DACH1: variants seen among roughly 807,000 people sequenced by gnomAD.
DACH1 encodes the protein dachshund family transcription factor 1.
DACH1 carries 12 observed loss-of-function variants against 54.2 expected under a neutral mutation model. The observed-to-expected ratio is 0.22, with a 90% CI of 0.14 to 0.36. DACH1 has a LOEUF of 0.36. DACH1 is among the 10% of genes least tolerant of loss of function. The pLI, the probability that DACH1 is intolerant of heterozygous loss-of-function variation, is 1.00. For synonymous variants in DACH1, 386 were observed against 366.2 expected (o/e 1.05, Z -0.62); for missense variants, 805 against 929.8 (o/e 0.87, Z 1.75).
chr13:71,780,578 G>A (rs183417115), intron 1 of DACH1, among the ~76,000 whole-genome samples: 141 of 151,754 alleles, frequency 9.3e-4, no homozygotes, highest in Non-Finnish European at 1.5e-3. Flanking sequence ...CCTGGGAGAC[G>A]GAGGTTGCAG....
chr13:71,461,476 A>G (rs1876069882), intron 10 of DACH1, among the ~76,000 whole-genome samples: 2 of 151,976 alleles, frequency 1.3e-5, no homozygotes, highest in Non-Finnish European at 2.9e-5. Flanking sequence ...ATAAGCCCGC[A>G]TCATACTCAG....
chr13:71,564,648 G>C lies in DACH1; in HGVS notation c.1300-4693C>G, dbSNP rs951926376. On this transcript the variant is annotated intron_variant, in intron 4 of 10. Coordinates refer to ENST00000613252, the MANE Select transcript of DACH1 (RefSeq NM_080759.6). ...AATTCTAAAATAAACAGTGTAAAAT[G>C]TTCAGTACTACACACATGTGATTAA... Among the ~76,000 whole-genome samples the C allele has an allele frequency of 2.0e-5, 3 of 152,060 alleles. No individual in the cohort carries two copies. In the East Asian group the frequency reaches 5.8e-4, roughly 29 times the overall value.
chr13:71,543,337 A>G (rs1398521859), intron 6 of DACH1, among the ~76,000 whole-genome samples: 1 of 152,140 alleles, frequency 6.6e-6, no homozygotes, highest in Non-Finnish European at 1.5e-5. Flanking sequence ...TGTTTTTCGT[A>G]AAATCAAGTT....
chr13:71,523,415 A>G (rs1229478836), intron 6 of DACH1, among the ~76,000 whole-genome samples: 2 of 152,174 alleles, frequency 1.3e-5, no homozygotes, highest in Non-Finnish European at 2.9e-5. Context: ...AAAATGACTT[A>G]AAGGACAAAT....
intron 6 of DACH1, among the ~76,000 whole-genome samples, chr13:71,542,430 G>A (rs959675692): frequency 3.3e-5 from 5 of 151,988 alleles, no homozygotes; most frequent in African/African-American, 7.2e-5. Context: ...CATACAGGCT[G>A]TTTCTTCATT....
Position 71,866,273 on chromosome 13 carries a change from G to T in DACH1, c.497C>A (p.Pro166His). 6.3e-7 allele frequency: 1 copy of T among 1,592,674 alleles called. No individual in the cohort carries two copies. The highest frequency in any genetic ancestry group is 8.6e-7 in the Non-Finnish European group (1 of 1,169,072). ...SSSSSSSSCG[P>H]LPGKPVYSTP... Reference sequence around the variant, plus strand: ...TGAGTACACGGGTTTCCCGGGGAGGGGGCCGCAGCTGCTGCTGCTACTGCT... The same window carrying T: ...TGAGTACACGGGTTTCCCGGGGAGGTGGCCGCAGCTGCTGCTGCTACTGCT... The change falls in exon 1 of 11, where the codon CCC (proline) becomes CAC (histidine). Residue 166 changes from proline (P) to histidine (H), a missense_variant. By Grantham distance (77) the Pro-to-His change is moderately conservative (BLOSUM62 -2). Coordinates refer to ENST00000613252, the MANE Select transcript of DACH1 (RefSeq NM_080759.6).
chr13:71,621,205 T>C (rs1876210757), intron 3 of DACH1, among the ~76,000 whole-genome samples: 1 of 151,958 alleles, frequency 6.6e-6, no homozygotes, highest in East Asian at 1.9e-4. Context: ...TACACTACAC[T>C]TTTTGGCCGA....
At chr13:71,667,168 C>T (rs146291455) in intron 2 of DACH1, among the ~76,000 whole-genome samples, 2 of 152,150 alleles carry the variant, frequency 1.3e-5, no homozygotes, top group African/African-American at 4.8e-5. Context: ...TGACTAAGAT[C>T]TCACTTTAAA....
intron 2 of DACH1, among the ~76,000 whole-genome samples, chr13:71,667,655 C>T (rs368411183): frequency 7.2e-5 from 11 of 151,968 alleles, no homozygotes; most frequent in Admixed American, 2.6e-4. Context: ...AAATCCATGC[C>T]GAGAAAGCAA....
chr13:71,606,590 C>T (rs1402047244), intron 3 of DACH1, among the ~76,000 whole-genome samples: 2 of 151,940 alleles, frequency 1.3e-5, no homozygotes, highest in East Asian at 3.9e-4. Flanking sequence ...TCCACTTCAT[C>T]AGAAAGCACT....
intron 3 of DACH1, among the ~76,000 whole-genome samples, chr13:71,581,477 G>A (rs1593931169): frequency 6.6e-6 from 1 of 152,076 alleles, no homozygotes; most frequent in East Asian, 1.9e-4. Context: ...GGCTGGTCTC[G>A]AAGTCCTGAC....
chr13:71,818,643 T>TC (rs1284708099), intron 1 of DACH1, among the ~76,000 whole-genome samples: 3 of 152,216 alleles, frequency 2.0e-5, no homozygotes, highest in Non-Finnish European at 2.9e-5. Flanking sequence ...CACTGCCCAG[T>TC]CCATCCTCCA....
chr13:71,647,000 T>C (rs1878323231), intron 2 of DACH1, among the ~76,000 whole-genome samples: 1 of 152,234 alleles, frequency 6.6e-6, no homozygotes, highest in Admixed American at 6.5e-5. Context: ...AAGGCATGGG[T>C]AGCATTATGT....
intron 1 of DACH1, among the ~76,000 whole-genome samples, chr13:71,826,862 G>T (rs1888403866): frequency 6.6e-6 from 1 of 151,978 alleles, no homozygotes; most frequent in African/African-American, 2.4e-5. Flanking sequence ...CTCAACTGGG[G>T]TTAATTGCGT....
intron 5 of DACH1, among the ~76,000 whole-genome samples, chr13:71,557,918 A>C (rs1884354324): frequency 6.6e-6 from 1 of 151,924 alleles, no homozygotes; most frequent in African/African-American, 2.4e-5. Context: ...ATACTAAGAG[A>C]ATATGACAAC....
intron 6 of DACH1, among the ~76,000 whole-genome samples, chr13:71,490,577 C>T (rs1878894975): frequency 6.6e-6 from 1 of 152,162 alleles, no homozygotes; most frequent in South Asian, 2.1e-4. Flanking sequence ...ACAGAGTAAG[C>T]AAACTAAAGT....
At chr13:71,791,794 A>T (rs1289980178) in intron 1 of DACH1, among the ~76,000 whole-genome samples, 1 of 152,200 alleles carries the variant, frequency 6.6e-6, no homozygotes, top group African/African-American at 2.4e-5. Flanking sequence ...GTATATTTTG[A>T]TGACTGCCCA....
At chr13:71,668,029 G>A (rs575577196) in intron 2 of DACH1, among the ~76,000 whole-genome samples, 5 of 152,132 alleles carry the variant, frequency 3.3e-5, no homozygotes, top group Admixed American at 2.0e-4. Context: ...TATCCAAATA[G>A]AGGGATACAT....
rs1048320542 is a variant in DACH1, at chr13:71,650,353, A to G, written c.965-19636T>C. On this transcript the variant is annotated intron_variant, in intron 2 of 10. Transcript: ENST00000613252. ...ACATAAGCAGTACTTGGTATATTACAGCAGCAAGAAGTATTTCTATTCTCA... is the reference window on the plus strand; with the variant it reads ...ACATAAGCAGTACTTGGTATATTACGGCAGCAAGAAGTATTTCTATTCTCA... 3.9e-5 allele frequency among the ~76,000 whole-genome samples: 6 copies of G among 152,318 alleles called. No individual in the cohort carries two copies. The South Asian group carries it at 1.2e-3, about 32-fold the overall frequency.
Sources: gnomAD v4.1 joint callset for allele counts (sites outside exome capture counted in the v4.1 genomes callset) on GRCh38, gnomAD v4.1.1 for gene constraint, MANE v1.5 for transcripts, NCBI Gene and HGNC (gene_info 2026-07-23, HGNC 2026-07-21) for gene names.